The following PRR5 variants were observed in gnomAD, a reference collection of about 807,000 sequenced individuals.
PRR5 encodes proline-rich protein 5.
Under a neutral mutation model 30.6 loss-of-function variants are expected in PRR5, and 25 were observed. The observed-to-expected ratio is 0.82, with a 90% CI of 0.60 to 1.14. The LOEUF is 1.14. PRR5 is among the 50% of genes most tolerant of loss of function. PRR5 has a pLI of 0.00. For synonymous variants in PRR5, 286 were observed against 247.1 expected, an observed-to-expected ratio of 1.16 and a Z score of -1.48; for missense variants, 600 against 547.1, an observed-to-expected ratio of 1.10 and a Z score of -0.96.
chr22:44,731,204 A>G (rs1040426642), intron 4 of PRR5: 1 of 267,946 alleles, frequency 3.7e-6, no homozygotes, highest in Non-Finnish European at 7.4e-6. Flanking sequence ...TCACCTGTGT[A>G]GGTCTCACCT....
At chr22:44,696,193 G>A (rs1925731270) in intron 1 of PRR5, among the ~76,000 whole-genome samples, 1 of 152,082 alleles carries the variant, frequency 6.6e-6, no homozygotes. Context: ...CAAAGTGCTG[G>A]CATAACAGGC....
chr22:44,711,176 G>A (rs982745101), intron 1 of PRR5, among the ~76,000 whole-genome samples: 7 of 152,192 alleles, frequency 4.6e-5, no homozygotes, highest in Admixed American at 1.3e-4. Context: ...GCAGGTGCTT[G>A]CTGGGCTTTG....
rs1309928937 is a variant in PRR5, at chr22:44,734,969, C to G, written c.556-58C>G. 1.9e-6 allele frequency: 3 copies of G among 1,543,296 alleles called. No homozygotes were observed. In the Admixed American group the frequency reaches 5.1e-5, roughly 26 times the overall value. On this transcript the variant is annotated intron_variant, in intron 6 of 7. Coordinates refer to ENST00000336985, the MANE Select transcript of PRR5 (RefSeq NM_181333.4). ...GGTGGGTGGGACATATGGTTGAGAG[C>G]CTGGAGCCACCAAGCTCGGGTGCAT...
At chr22:44,673,543 A>G (rs1035874152), upstream of PRR5, among the ~76,000 whole-genome samples, 6 of 152,266 alleles carry the variant, frequency 3.9e-5, no homozygotes, top group South Asian at 2.1e-4. Context: ...AAGGTCACCC[A>G]CTGGTGAGGC....
chr22:44,707,332 A>G (rs1020378295), intron 1 of PRR5, among the ~76,000 whole-genome samples: 3 of 152,200 alleles, frequency 2.0e-5, no homozygotes, highest in African/African-American at 7.2e-5. Context: ...GGCAGAGCTG[A>G]AGTGGCCCCA....
intron 4 of PRR5, among the ~76,000 whole-genome samples, chr22:44,728,171 C>T (rs1311830554): frequency 6.6e-6 from 1 of 152,078 alleles, no homozygotes; most frequent in Non-Finnish European, 1.5e-5. Context: ...CCTGGGAGGC[C>T]CAGCATCCTC....
chr22:44,697,885 CT>C, upstream of PRR5, among the ~76,000 whole-genome samples: 1 of 152,192 alleles, frequency 6.6e-6, no homozygotes, highest in Non-Finnish European at 1.5e-5. Flanking sequence ...GTGGCCGCCC[CT>C]GTATCATGCC....
Position 44,732,231 on chromosome 22 carries a change from G to T in PRR5, c.415-20G>T, listed in dbSNP as rs778255955. On this transcript the variant is annotated intron_variant, in intron 5 of 7. Coordinates refer to ENST00000336985, the MANE Select transcript of PRR5 (RefSeq NM_181333.4). Reference sequence around the variant, plus strand: ...CGCATGTGACCACAGCCGGTGGGGTGGGGTGCCTTCCGTCCACAGGGCAAG... The same window carrying T: ...CGCATGTGACCACAGCCGGTGGGGTTGGGTGCCTTCCGTCCACAGGGCAAG... The T allele has an allele frequency of 6.2e-7, 1 of 1,608,636 alleles. No homozygotes were observed. Among genetic ancestry groups the T allele is most frequent in the East Asian group, 2.2e-5 (1 of 44,806 alleles).
chr22:44,716,426 A>G (rs12169155), intron 2 of PRR5, among the ~76,000 whole-genome samples: 17,839 of 152,190 alleles, frequency 0.12, 1,855 homozygotes, highest in African/African-American at 0.28. Context: ...ATTTCAGCAC[A>G]TTGGGAAGCC....
At chr22:44,720,653 G>C (rs1011935847) in intron 2 of PRR5, among the ~76,000 whole-genome samples, 2 of 152,212 alleles carry the variant, frequency 1.3e-5, no homozygotes, top group African/African-American at 2.4e-5. Flanking sequence ...CTGGCCAGGG[G>C]CAGTGGGTCC....
intron 2 of PRR5, among the ~76,000 whole-genome samples, chr22:44,723,366 T>C (rs938654525): frequency 6.6e-6 from 1 of 152,182 alleles, no homozygotes; most frequent in Non-Finnish European, 1.5e-5. Context: ...TGTTTGGTTA[T>C]AACCATACAG....
chr22:44,691,738 C>T lies in PRR5; in HGVS notation c.-10-10754C>T, dbSNP rs561092919. Among the ~76,000 whole-genome samples, 5 of 152,128 alleles carry T rather than the reference C, an allele frequency of 3.3e-5. No individual in the cohort carries two copies. Among genetic ancestry groups the T allele is most frequent in the South Asian group, 2.1e-4 (1 of 4,820 alleles). On this transcript the variant is annotated intron_variant, in intron 1 of 8. Coordinates refer to the PRR5 transcript ENST00000006251. The surrounding 1 kb of genome is among the most constrained non-coding windows in gnomAD (Gnocchi z 4.4). ...GCAGTGAGCCGAGATTGCACCACTG[C>T]ATTCCAGCCTGCGCGACGGGAGCAA...
Position 44,692,417 on chromosome 22 carries a change from C to A in PRR5, c.-10-10075C>A, listed in dbSNP as rs557273628. ...CTTAGCTCCTCCACCCAGGGATCCTCCTCCTCCCGGGGGCTCCTCCTCCTG... is the reference window on the plus strand; with the variant it reads ...CTTAGCTCCTCCACCCAGGGATCCTACTCCTCCCGGGGGCTCCTCCTCCTG... On this transcript the variant is annotated intron_variant, in intron 1 of 8. Coordinates refer to the PRR5 transcript ENST00000006251. 6.9e-5 allele frequency among the ~76,000 whole-genome samples: 10 copies of A among 144,942 alleles called. No individual in the cohort carries two copies. The South Asian group carries it at 2.3e-3, about 33-fold the overall frequency.
chr22:44,689,647 G>C (rs1381999163), intron 1 of PRR5, among the ~76,000 whole-genome samples: 1 of 151,900 alleles, frequency 6.6e-6, no homozygotes, highest in East Asian at 1.9e-4. Context: ...TCATCTCAGA[G>C]TTTTGTTTTG....
intron 1 of PRR5, among the ~76,000 whole-genome samples, chr22:44,703,974 T>C (rs78055084): frequency 0.044 from 6,739 of 152,308 alleles, 219 homozygotes; most frequent in Non-Finnish European, 0.069. Context: ...AGGAAAGAGT[T>C]AAATAGACTT....
rs770765833 is a variant in PRR5, at chr22:44,691,452, G to T, written c.-10-11040G>T. 2.0e-5 allele frequency among the ~76,000 whole-genome samples: 3 copies of T among 152,114 alleles called. No homozygotes were observed. The highest frequency in any genetic ancestry group is 1.9e-4 in the East Asian group (1 of 5,170). ...GCCCTAGACTCAGTGCCCCTGGCAC[G>T]CCTGGAGCTGACTCCTCCTGCCCCT... On this transcript the variant is annotated intron_variant, in intron 1 of 8. Coordinates refer to the PRR5 transcript ENST00000006251. This position sits in a 1 kb window ranked among gnomAD's most constrained non-coding sequence, Gnocchi z 4.4.
intron 1 of PRR5, among the ~76,000 whole-genome samples, chr22:44,689,184 A>G (rs1324981866): frequency 6.6e-6 from 1 of 152,106 alleles, no homozygotes. Flanking sequence ...GATGAAGACA[A>G]TATAATAATA....
chr22:44,730,256 G>T (rs1222987767), intron 4 of PRR5: 2 of 984,916 alleles, frequency 2.0e-6, no homozygotes, highest in Admixed American at 6.1e-5. Context: ...TCTGGCCGGG[G>T]GCGCAGCCTG....
chr22:44,693,217 G>A (rs1482209866), intron 1 of PRR5, among the ~76,000 whole-genome samples: 2 of 152,158 alleles, frequency 1.3e-5, no homozygotes, highest in Admixed American at 6.5e-5. Flanking sequence ...AAATCAAGGT[G>A]TCCTGGGAGG....
Sources: allele counts gnomAD v4.1 joint callset (sites outside exome capture counted in the v4.1 genomes callset), GRCh38; gene constraint gnomAD v4.1.1; non-coding constraint Gnocchi (gnomAD v3.1); transcripts MANE v1.5; gene names NCBI Gene and HGNC (gene_info 2026-07-23, HGNC 2026-07-21).